SLC23A2: variants seen among roughly 807,000 people sequenced by gnomAD.
SLC23A2 encodes solute carrier family 23 member 2, also known as Na(+)/L-ascorbic acid transporter 2.
SLC23A2 carries 36 observed loss-of-function variants against 73.3 expected under a neutral mutation model. The ratio of observed to expected loss-of-function variants is 0.49; its 90% CI spans 0.38 to 0.65. SLC23A2 has a LOEUF of 0.65. Among genes scored for constraint, SLC23A2 ranks in the 30% least tolerant of loss-of-function variants. The pLI, the probability that SLC23A2 is intolerant of heterozygous loss-of-function variation, is 0.00. For synonymous variants in SLC23A2, 343 were observed against 327.3 expected (o/e 1.05, Z -0.52); for missense variants, 507 against 841.6 (o/e 0.60, Z 4.92).
At chr20:4,950,447 C>T (rs2087182751) in intron 2 of SLC23A2, among the ~76,000 whole-genome samples, 1 of 152,324 alleles carries the variant, frequency 6.6e-6, no homozygotes, top group African/African-American at 2.4e-5. Flanking sequence ...GGAGAGCTGA[C>T]TGCTGGGGTC....
chr20:4,908,817 A>G (rs942317341), intron 4 of SLC23A2, among the ~76,000 whole-genome samples: 4 of 152,182 alleles, frequency 2.6e-5, no homozygotes, highest in African/African-American at 9.6e-5. Flanking sequence ...GATCCCAGCT[A>G]CTTGGGAGGC....
chr20:4,982,757 A>G (rs1441371896), intron 1 of SLC23A2, among the ~76,000 whole-genome samples: 1 of 152,216 alleles, frequency 6.6e-6, no homozygotes, highest in Non-Finnish European at 1.5e-5. Flanking sequence ...GCATCAGGAC[A>G]ACGTAATGGG....
chr20:4,951,281 C>T (rs574292043), intron 2 of SLC23A2, among the ~76,000 whole-genome samples: 2 of 152,124 alleles, frequency 1.3e-5, no homozygotes, highest in Admixed American at 6.6e-5. Flanking sequence ...AAAAACAAGA[C>T]GCTGAGGTGG....
intron 2 of SLC23A2, among the ~76,000 whole-genome samples, chr20:4,969,723 T>G (rs2087533283): frequency 6.6e-6 from 1 of 152,004 alleles, no homozygotes; most frequent in Non-Finnish European, 1.5e-5. Context: ...TAGCTGGGAC[T>G]ATAGGCGTGC....
chr20:4,940,143 C>A (rs1043586097), intron 2 of SLC23A2, among the ~76,000 whole-genome samples: 1 of 151,934 alleles, frequency 6.6e-6, no homozygotes, highest in African/African-American at 2.4e-5. Context: ...CATGGCAAAA[C>A]CCTATCTCTA....
At chr20:4,994,722 C>G (rs2087988872) in intron 1 of SLC23A2, among the ~76,000 whole-genome samples, 1 of 151,832 alleles carries the variant, frequency 6.6e-6, no homozygotes, top group South Asian at 2.1e-4. Flanking sequence ...TATCGCACCA[C>G]TGCACTCCAG....
chr20:4,906,678 T>G (rs1235271547), intron 4 of SLC23A2, among the ~76,000 whole-genome samples: 14 of 152,118 alleles, frequency 9.2e-5, no homozygotes, highest in Non-Finnish European at 5.9e-5. Context: ...AAGATCAATT[T>G]CATTATTCTT....
In SLC23A2 at chr20:4,989,281, G is replaced by GA. The variant is rs1207373345; in HGVS notation, c.-282+12124dup. 6.8e-5 allele frequency among the ~76,000 whole-genome samples: 10 copies of GA among 146,612 alleles called. 1 individual carries two copies. The highest frequency in any genetic ancestry group is 1.2e-4 in the Non-Finnish European group (8 of 66,290). On this transcript the variant is annotated intron_variant, in intron 1 of 16. Transcript: ENST00000338244. ...AGAAATAGCTAACTATAGGAAGGAGGAAAAAAAAAGACAAAATGATCATTT... is the reference window on the plus strand; with the variant it reads ...AGAAATAGCTAACTATAGGAAGGAGGAAAAAAAAAAGACAAAATGATCATTT...
chr20:4,980,189 A>G (rs1338050680), intron 1 of SLC23A2, among the ~76,000 whole-genome samples: 1 of 152,200 alleles, frequency 6.6e-6, no homozygotes, highest in African/African-American at 2.4e-5. Context: ...CATGTATGTT[A>G]GGTATGTGTT....
At chr20:4,983,816 C>T (rs2087772364) in intron 1 of SLC23A2, among the ~76,000 whole-genome samples, 1 of 151,378 alleles carries the variant, frequency 6.6e-6, no homozygotes, top group Non-Finnish European at 1.5e-5. Flanking sequence ...ATTAGCCAGG[C>T]GTGGTGGTGC....
intron 15 of SLC23A2, 49 bp downstream of exon 15, chr20:4,861,899 C>A: frequency 6.3e-7 from 1 of 1,599,874 alleles, no homozygotes; most frequent in Non-Finnish European, 8.5e-7. Context: ...TGTGGACTGG[C>A]GGCTGTGGTT....
chr20:5,000,489 C>G (rs182345035), intron 1 of SLC23A2, among the ~76,000 whole-genome samples: 1 of 152,152 alleles, frequency 6.6e-6, no homozygotes, highest in African/African-American at 2.4e-5. Flanking sequence ...CAATTGTCAG[C>G]AGGGACTGCA....
At chr20:5,004,021 C>A (rs906206157), upstream of SLC23A2, among the ~76,000 whole-genome samples, 2 of 151,744 alleles carry the variant, frequency 1.3e-5, no homozygotes, top group Non-Finnish European at 2.9e-5. Flanking sequence ...ATGTTAGTTT[C>A]CCCTCATATC....
Position 4,931,376 on chromosome 20 carries a change from T to C in SLC23A2, c.108+1079A>G, listed in dbSNP as rs116090195. Among the ~76,000 whole-genome samples, 1,299 of 152,214 alleles carry C rather than the reference T, an allele frequency of 8.5e-3. 14 individuals are homozygous for C. Among genetic ancestry groups the C allele is most frequent in the African/African-American group, 0.029 (1,221 of 41,520 alleles). On this transcript the variant is annotated intron_variant, in intron 3 of 16. Transcript: ENST00000338244. ...TAATACTGACACCTCTGTAGATCCA[T>C]CTACCCTCAAATGTCTTACTGTTGA...
intron 2 of SLC23A2, among the ~76,000 whole-genome samples, chr20:4,942,519 A>G (rs1175211824): frequency 6.6e-6 from 1 of 152,214 alleles, no homozygotes; most frequent in Non-Finnish European, 1.5e-5. Flanking sequence ...CCAATTCCCT[A>G]AGGACTGAAT....
intron 5 of SLC23A2, among the ~76,000 whole-genome samples, chr20:4,900,653 C>T (rs962338746): frequency 1.3e-5 from 2 of 152,126 alleles, no homozygotes; most frequent in Admixed American, 6.5e-5. Context: ...ACAAAGAATT[C>T]GTCTGTTCCA....
intron 2 of SLC23A2, among the ~76,000 whole-genome samples, chr20:4,961,192 G>T (rs6107559): frequency 6.7e-6 from 1 of 148,724 alleles, no homozygotes; most frequent in Non-Finnish European, 1.5e-5. Context: ...ACTGCAACCT[G>T]CACCTCCCAG....
intron 2 of SLC23A2, among the ~76,000 whole-genome samples, chr20:4,948,439 C>A (rs934811942): frequency 1.3e-5 from 2 of 152,128 alleles, no homozygotes; most frequent in African/African-American, 4.8e-5. Flanking sequence ...ACCCCCTGCT[C>A]CCCACTAGTC....
At chr20:4,929,770 A>G (rs1191674559) in intron 3 of SLC23A2, among the ~76,000 whole-genome samples, 1 of 152,268 alleles carries the variant, frequency 6.6e-6, no homozygotes, top group Non-Finnish European at 1.5e-5. Flanking sequence ...ACAAAAAATA[A>G]GTAAACCGGA....
Sources: gnomAD v4.1 joint callset for allele counts (sites outside exome capture counted in the v4.1 genomes callset) on GRCh38, gnomAD v4.1.1 for gene constraint, MANE v1.5 for transcripts, NCBI Gene and HGNC (gene_info 2026-07-23, HGNC 2026-07-21) for gene names.